Variants in CDKAL1 observed in about 807,000 individuals in gnomAD.
CDKAL1 encodes CDKAL1 threonylcarbamoyladenosine tRNA methylthiotransferase.
A neutral mutation model predicts 68.2 loss-of-function variants in CDKAL1; 32 were observed. The ratio of observed to expected loss-of-function variants is 0.47; its 90% CI spans 0.35 to 0.63. The LOEUF is 0.63. Among genes scored for constraint, CDKAL1 ranks in the 30% least tolerant of loss-of-function variants. The pLI is 0.00. For missense variants in CDKAL1, 606 were observed against 696.7 expected (o/e 0.87, Z 1.47); for synonymous variants, 234 against 244.3 (o/e 0.96, Z 0.39).
At chr6:20,979,940 T>A (rs1766029801) in intron 10 of CDKAL1, among the ~76,000 whole-genome samples, 1 of 151,520 alleles carries the variant, frequency 6.6e-6, no homozygotes, top group Non-Finnish European at 1.5e-5. Context: ...CCTGGCTAAT[T>A]TTTGTATTTT....
At chr6:20,646,000 G>T (rs1002166894) in intron 4 of CDKAL1, among the ~76,000 whole-genome samples, 1 of 149,840 alleles carries the variant, frequency 6.7e-6, no homozygotes, top group Non-Finnish European at 1.5e-5. Flanking sequence ...ACCTTCTTCT[G>T]GAATACCTGC....
intron 11 of CDKAL1, among the ~76,000 whole-genome samples, chr6:21,018,536 T>G (rs1768463056): frequency 6.6e-6 from 1 of 152,192 alleles, no homozygotes; most frequent in Non-Finnish European, 1.5e-5. Context: ...AGTATTCTTA[T>G]TAAAATGAAA....
In CDKAL1 at chr6:20,580,341, G is replaced by T. The variant is rs371891845; in HGVS notation, c.286+31636G>T. Among the ~76,000 whole-genome samples the T allele has an allele frequency of 4.1e-4, 63 of 152,216 alleles. No individual in the cohort carries two copies. The South Asian group carries it at 0.013, about 31-fold the overall frequency. On this transcript the variant is annotated intron_variant, in intron 4 of 15. Transcript: ENST00000274695. Reference sequence around the variant, plus strand: ...AATTAAATAAAAATAATGTGTGTAGGCGTTAGCTGCTGGAAGGCTGGAATA... The same window carrying T: ...AATTAAATAAAAATAATGTGTGTAGTCGTTAGCTGCTGGAAGGCTGGAATA...
At chr6:21,007,482 CAAAAAAAAAA>C (rs147527333) in intron 11 of CDKAL1, among the ~76,000 whole-genome samples, 6 of 84,548 alleles carry the variant, frequency 7.1e-5, no homozygotes, top group Admixed American at 1.6e-4. Context: ...GACCCTGTCT[CAAAAAAAAAA>C]AAAAAAAAAA....
At chr6:20,994,558 G>A (rs1439717105) in intron 10 of CDKAL1, among the ~76,000 whole-genome samples, 1 of 152,074 alleles carries the variant, frequency 6.6e-6, no homozygotes, top group Non-Finnish European at 1.5e-5. Context: ...TCCATGATGG[G>A]GCTACCTTTA....
At chr6:20,973,345 G>C (rs2150757896) in intron 10 of CDKAL1, among the ~76,000 whole-genome samples, 1 of 152,218 alleles carries the variant, frequency 6.6e-6, no homozygotes, top group African/African-American at 2.4e-5. Flanking sequence ...TATTCCTAAT[G>C]TTTATTTTCT....
Position 20,894,958 on chromosome 6 carries a change from G to A in CDKAL1, c.742+48780G>A, listed in dbSNP as rs528096691. Among the ~76,000 whole-genome samples, 19 of 152,058 alleles carry A rather than the reference G, an allele frequency of 1.2e-4. No individual in the cohort carries two copies. In the South Asian group the frequency reaches 3.9e-3, roughly 32 times the overall value. On this transcript the variant is annotated intron_variant, in intron 9 of 15. Coordinates refer to ENST00000274695, the MANE Select transcript of CDKAL1 (RefSeq NM_017774.3). ...TTCTTTTTGTTTTTGTTTTTTTAAT[G>A]AAATAATATGTTACAGATAAAGTTG...
At chr6:20,918,743 T>C (rs774739725) in intron 9 of CDKAL1, among the ~76,000 whole-genome samples, 5 of 152,234 alleles carry the variant, frequency 3.3e-5, no homozygotes, top group Non-Finnish European at 7.3e-5. Context: ...CATATTCCTA[T>C]GCCTAAATTT....
chr6:20,782,207 C>T (rs542781535), intron 8 of CDKAL1, among the ~76,000 whole-genome samples: 1 of 152,298 alleles, frequency 6.6e-6, no homozygotes, highest in East Asian at 1.9e-4. Context: ...CTCCACACTG[C>T]TGTCAAAGAC....
At chr6:21,214,092 A>G (rs1397205842) in intron 15 of CDKAL1, among the ~76,000 whole-genome samples, 2 of 152,214 alleles carry the variant, frequency 1.3e-5, no homozygotes, top group Non-Finnish European at 2.9e-5. Context: ...CAAATATTAT[A>G]TAATTCCACT....
At chr6:21,126,527 C>T (rs1479126864) in intron 13 of CDKAL1, among the ~76,000 whole-genome samples, 1 of 152,212 alleles carries the variant, frequency 6.6e-6, no homozygotes, top group Non-Finnish European at 1.5e-5. Flanking sequence ...GCAGTCAGCT[C>T]ATTTTCCCGC....
At chr6:21,152,343 T>G (rs1457951241) in intron 13 of CDKAL1, among the ~76,000 whole-genome samples, 2 of 152,222 alleles carry the variant, frequency 1.3e-5, no homozygotes, top group Non-Finnish European at 1.5e-5. Context: ...TAACCTGCTG[T>G]CTTCTCTAAT....
At chr6:20,966,885 C>G (rs1242974001) in intron 10 of CDKAL1, among the ~76,000 whole-genome samples, 5 of 152,170 alleles carry the variant, frequency 3.3e-5, no homozygotes, top group Non-Finnish European at 4.4e-5. Context: ...CCTACCTCAG[C>G]AGACTCTTTT....
At chr6:20,923,202 C>T (rs1202681228) in intron 9 of CDKAL1, among the ~76,000 whole-genome samples, 1 of 152,102 alleles carries the variant, frequency 6.6e-6, no homozygotes, top group East Asian at 1.9e-4. Context: ...GTTATAGGCA[C>T]GAGCCACCAT....
At chr6:20,620,952 T>C (rs1435146805) in intron 4 of CDKAL1, among the ~76,000 whole-genome samples, 1 of 152,134 alleles carries the variant, frequency 6.6e-6, no homozygotes, top group Non-Finnish European at 1.5e-5. Flanking sequence ...ATGTCCCTTT[T>C]CTTTTCCAGG....
At chr6:21,168,224 GT>G (rs1265073300) in intron 13 of CDKAL1, among the ~76,000 whole-genome samples, 3 of 152,174 alleles carry the variant, frequency 2.0e-5, no homozygotes, top group Non-Finnish European at 4.4e-5. Flanking sequence ...CTCAAACACC[GT>G]TGTGCCCAGC....
At position 21,108,381 on chromosome 6, in the gene CDKAL1, T is replaced by G. The variant is rs760124854; in HGVS notation, c.1237-20T>G. The stretch of plus-strand genomic sequence containing the variant: ...ATTGTTTGTATGTTGGTTTTTTGTT[T>G]TTTTTGTTTTTTTTCACAGAAAAAG... On this transcript the variant is annotated intron_variant, in intron 12 of 15. Coordinates refer to ENST00000274695, the MANE Select transcript of CDKAL1 (RefSeq NM_017774.3). The G allele has an allele frequency of 5.0e-6, 8 of 1,591,694 alleles. No individual in the cohort carries two copies. Among genetic ancestry groups the G allele is most frequent in the South Asian group, 1.1e-5 (1 of 87,896 alleles).
chr6:20,557,996 ACTTTT>A (rs1297957519), intron 4 of CDKAL1, among the ~76,000 whole-genome samples: 42 of 152,308 alleles, frequency 2.8e-4, no homozygotes, highest in African/African-American at 9.6e-4. Flanking sequence ...ATTCACTCTT[ACTTTT>A]CTTCCTGTGG....
At chr6:20,628,663 G>GAA (rs11369825) in intron 4 of CDKAL1, among the ~76,000 whole-genome samples, 55 of 149,194 alleles carry the variant, frequency 3.7e-4, no homozygotes, top group African/African-American at 9.5e-4. Flanking sequence ...TACTTTCAGG[G>GAA]AAAAAAAAAA....
Sources: gnomAD v4.1 joint callset for allele counts (sites outside exome capture counted in the v4.1 genomes callset) on GRCh38, gnomAD v4.1.1 for gene constraint, MANE v1.5 for transcripts, NCBI Gene and HGNC (gene_info 2026-07-23, HGNC 2026-07-21) for gene names.